The following CTBP2 variants were observed in gnomAD, a reference collection of about 807,000 sequenced individuals.
CTBP2 encodes the protein C-terminal-binding protein 2.
Under a neutral mutation model 80.3 loss-of-function variants are expected in CTBP2, and 30 were observed. That is an observed-to-expected ratio of 0.37 (90% confidence interval 0.28 to 0.51). The LOEUF (loss-of-function observed/expected upper bound fraction) is 0.51. Ranked by LOEUF, CTBP2 falls within the 20% of genes least tolerant of loss-of-function variation. The probability of loss-of-function intolerance (pLI) is 0.93; values close to 1 mark genes in which losing one functional copy is unlikely to be tolerated. For missense variants in CTBP2, 1,212 were observed against 1,375.3 expected (o/e 0.88, Z 1.88); for synonymous variants, 594 against 587.4 (o/e 1.01, Z -0.16).
intron 1 of CTBP2, among the ~76,000 whole-genome samples, chr10:125,017,030 C>T (rs1369827164): frequency 6.6e-6 from 1 of 152,226 alleles, no homozygotes; most frequent in South Asian, 2.1e-4. Context: ...GGCAGAGCTT[C>T]CTTCCACCAC....
intron 1 of CTBP2, among the ~76,000 whole-genome samples, chr10:125,115,648 C>T (rs1268906187): frequency 2.0e-5 from 3 of 152,180 alleles, no homozygotes; most frequent in East Asian, 3.8e-4. Flanking sequence ...AGGCTGAGGC[C>T]GTTATCCACC....
chr10:125,043,838 A>G (rs925182966), intron 2 of CTBP2, among the ~76,000 whole-genome samples: 7 of 152,270 alleles, frequency 4.6e-5, no homozygotes, highest in Non-Finnish European at 1.0e-4. Context: ...CCTTTCTTCA[A>G]AATGAAATTT....
intron 2 of CTBP2, among the ~76,000 whole-genome samples, chr10:125,060,284 C>T (rs1001506708): frequency 2.0e-5 from 3 of 152,208 alleles, no homozygotes; most frequent in Admixed American, 6.5e-5. Flanking sequence ...GTTACTCTGA[C>T]TTCACTCTTC....
chr10:125,037,170 G>C (rs533718213), intron 3 of CTBP2, among the ~76,000 whole-genome samples: 112 of 152,314 alleles, frequency 7.4e-4, no homozygotes, highest in Non-Finnish European at 1.0e-3. Context: ...ACACATGAAG[G>C]GGGTGGGAAG....
chr10:125,073,727 A>G (rs565981816), intron 2 of CTBP2, among the ~76,000 whole-genome samples: 8 of 152,362 alleles, frequency 5.3e-5, no homozygotes, highest in Admixed American at 4.6e-4. Flanking sequence ...GAAAGATACA[A>G]GTAAATTTCT....
intron 1 of CTBP2, among the ~76,000 whole-genome samples, chr10:125,122,312 T>C (rs1186361270): frequency 6.6e-6 from 1 of 152,242 alleles, no homozygotes; most frequent in Non-Finnish European, 1.5e-5. Flanking sequence ...GATGAACATA[T>C]AAATACACAC....
chr10:125,097,805 A>T (rs1849772032), intron 2 of CTBP2, among the ~76,000 whole-genome samples: 1 of 152,124 alleles, frequency 6.6e-6, no homozygotes, highest in African/African-American at 2.4e-5. Flanking sequence ...TTGAGGTACA[A>T]GCAGAAGGCA....
intron 1 of CTBP2, among the ~76,000 whole-genome samples, chr10:125,116,837 G>T (rs537150198): frequency 6.6e-5 from 10 of 152,200 alleles, no homozygotes; most frequent in African/African-American, 2.4e-4. Flanking sequence ...CAAGGGCAGC[G>T]GTCAAGGAAA....
chr10:124,996,141 T>G (rs1192554655), intron 4 of CTBP2: 1 of 151,048 alleles, frequency 6.6e-6, no homozygotes, highest in African/African-American at 2.4e-5. Flanking sequence ...TGCTACTGAC[T>G]TAATCAAAAC....
chr10:125,066,097 C>T lies in CTBP2; in HGVS notation c.-101-26942G>A, dbSNP rs1844588510. Among the ~76,000 whole-genome samples the T allele has an allele frequency of 2.0e-5, 3 of 150,828 alleles. No homozygotes were observed. The highest frequency in any genetic ancestry group is 2.0e-4 in the Admixed American group (3 of 15,146). On this transcript the variant is annotated intron_variant, in intron 2 of 10. Coordinates refer to the CTBP2 transcript ENST00000337195. The surrounding 1 kb of genome is among the most constrained non-coding windows in gnomAD (Gnocchi z 4.1). ...GCCAAAAAAAAAAAGCCGTCATCTTCTTGATGGTGAACTCCCTCTAATGCT... is the reference window on the plus strand; with the variant it reads ...GCCAAAAAAAAAAAGCCGTCATCTTTTTGATGGTGAACTCCCTCTAATGCT...
chr10:125,099,098 T>G (rs1167513513), intron 2 of CTBP2, among the ~76,000 whole-genome samples: 1 of 152,180 alleles, frequency 6.6e-6, no homozygotes, highest in Non-Finnish European at 1.5e-5. Flanking sequence ...GCACGTTCAG[T>G]ACGCACAGGT....
At chr10:125,068,647 T>C (rs1307477741) in intron 2 of CTBP2, among the ~76,000 whole-genome samples, 4 of 152,184 alleles carry the variant, frequency 2.6e-5, no homozygotes, top group Admixed American at 1.3e-4. Flanking sequence ...AAGGTCTTAG[T>C]GCCATGGCCG....
chr10:125,097,980 G>T (rs1227687528), intron 2 of CTBP2, among the ~76,000 whole-genome samples: 4 of 152,162 alleles, frequency 2.6e-5, no homozygotes, highest in African/African-American at 9.7e-5. Flanking sequence ...AAGTAGCTGG[G>T]TGTGGCGGCG....
chr10:125,051,538 G>A (rs1962762013), intron 2 of CTBP2, among the ~76,000 whole-genome samples: 1 of 152,072 alleles, frequency 6.6e-6, no homozygotes, highest in Non-Finnish European at 1.5e-5. Flanking sequence ...TACTCAGGAG[G>A]CTGAGGCAGG....
At chr10:125,003,873 G>A (rs888864128) in intron 1 of CTBP2, among the ~76,000 whole-genome samples, 7 of 152,146 alleles carry the variant, frequency 4.6e-5, no homozygotes, top group Non-Finnish European at 1.0e-4. Context: ...GGGATAAGGC[G>A]TGTGCGTCCA....
At chr10:125,072,501 A>T (rs898169789) in intron 2 of CTBP2, among the ~76,000 whole-genome samples, 1 of 152,032 alleles carries the variant, frequency 6.6e-6, no homozygotes, top group African/African-American at 2.4e-5. Flanking sequence ...CTGTAATCCC[A>T]GGTCCTCGGG....
chr10:125,038,742 T>C (rs1232941408), intron 3 of CTBP2, among the ~76,000 whole-genome samples: 1 of 152,172 alleles, frequency 6.6e-6, no homozygotes, highest in South Asian at 2.1e-4. Flanking sequence ...ATGGAAGACA[T>C]AGACCTCAGG....
At chr10:125,054,162 T>C (rs1963390250) in intron 2 of CTBP2, among the ~76,000 whole-genome samples, 1 of 152,178 alleles carries the variant, frequency 6.6e-6, no homozygotes, top group South Asian at 2.1e-4. Context: ...ATCTACACTG[T>C]GGATGCCAGA....
intron 2 of CTBP2, among the ~76,000 whole-genome samples, chr10:125,075,605 C>T (rs1178232731): frequency 1.3e-5 from 2 of 151,948 alleles, no homozygotes; most frequent in African/African-American, 4.8e-5. Context: ...GACTAAGACA[C>T]GGTAAGAAAA....
Sources: allele counts gnomAD v4.1 joint callset (sites outside exome capture counted in the v4.1 genomes callset), GRCh38; gene constraint gnomAD v4.1.1; non-coding constraint Gnocchi (gnomAD v3.1); transcripts MANE v1.5; gene names NCBI Gene and HGNC (gene_info 2026-07-23, HGNC 2026-07-21).